Variants in FAM169A observed in about 807,000 individuals in gnomAD.
The protein encoded by FAM169A is soluble lamin-associated protein of 75 kDa.
In FAM169A, 24 loss-of-function variants were observed where a neutral mutation model predicts 75.7. That is an observed-to-expected ratio of 0.32 (90% confidence interval 0.23 to 0.45). The LOEUF (loss-of-function observed/expected upper bound fraction) is 0.45. Ranked by LOEUF, FAM169A falls within the 20% of genes least tolerant of loss-of-function variation. FAM169A has a pLI of 1.00. For missense variants in FAM169A, 673 were observed against 784.0 expected (o/e 0.86, Z 1.69); for synonymous variants, 271 against 271.0 (o/e 1.00, Z 0.00).
chr5:74,858,341 TCACGC>T (rs1236581614), intron 1 of FAM169A, among the ~76,000 whole-genome samples: 1 of 151,972 alleles, frequency 6.6e-6, no homozygotes, highest in Non-Finnish European at 1.5e-5. Flanking sequence ...TGAGCCCAGA[TCACGC>T]CACTGCACTC....
chr5:74,853,233 AT>A (rs1749533349), intron 1 of FAM169A, among the ~76,000 whole-genome samples: 1 of 152,212 alleles, frequency 6.6e-6, no homozygotes, highest in Non-Finnish European at 1.5e-5. Context: ...TAACCTCAAA[AT>A]GTCATTTACA....
At chr5:74,841,946 G>GCATA (rs1748888218) in intron 1 of FAM169A, among the ~76,000 whole-genome samples, 1 of 152,020 alleles carries the variant, frequency 6.6e-6, no homozygotes, top group African/African-American at 2.4e-5. Context: ...GGTCACATAG[G>GCATA]CATAAGACAT....
intron 5 of FAM169A, among the ~76,000 whole-genome samples, chr5:74,833,184 T>C (rs977656998): frequency 2.0e-5 from 3 of 152,096 alleles, no homozygotes; most frequent in Non-Finnish European, 4.4e-5. Context: ...GGAGCCAGTA[T>C]TAGAAACAAA....
chr5:74,786,663 A>T (rs1165848491), intron 11 of FAM169A, among the ~76,000 whole-genome samples: 1 of 152,214 alleles, frequency 6.6e-6, no homozygotes, highest in Non-Finnish European at 1.5e-5. Flanking sequence ...GAACTCAGGG[A>T]TTCTAACTCC....
At chr5:74,833,618 G>A (rs1213781369) in intron 5 of FAM169A, among the ~76,000 whole-genome samples, 5 of 152,208 alleles carry the variant, frequency 3.3e-5, no homozygotes. Flanking sequence ...AGGATCTTTA[G>A]ACTGGATGTG....
intron 5 of FAM169A, among the ~76,000 whole-genome samples, chr5:74,821,111 A>G (rs1230493053): frequency 3.9e-5 from 6 of 152,136 alleles, no homozygotes; most frequent in Non-Finnish European, 8.8e-5. Context: ...TCTTCACATC[A>G]TCTGACAGCA....
At chr5:74,836,318 TTC>T in intron 4 of FAM169A, among the ~76,000 whole-genome samples, 1 of 148,326 alleles carries the variant, frequency 6.7e-6, no homozygotes, top group Non-Finnish European at 1.5e-5. Context: ...TGTTAGATCT[TTC>T]TCTTTGTTTT....
intron 5 of FAM169A, among the ~76,000 whole-genome samples, chr5:74,822,713 T>G (rs1347577580): frequency 6.6e-6 from 1 of 152,226 alleles, no homozygotes; most frequent in East Asian, 1.9e-4. Flanking sequence ...CCATACCTCT[T>G]CCATGTGCTC....
intron 5 of FAM169A, among the ~76,000 whole-genome samples, chr5:74,829,255 A>G (rs1339353763): frequency 3.3e-5 from 5 of 152,204 alleles, no homozygotes; most frequent in Non-Finnish European, 7.3e-5. Context: ...CGACTATAAA[A>G]TATCTGATTT....
chr5:74,821,003 T>C (rs1320087145), intron 5 of FAM169A, among the ~76,000 whole-genome samples: 2 of 152,206 alleles, frequency 1.3e-5, no homozygotes, highest in Non-Finnish European at 2.9e-5. Flanking sequence ...CTGATCTCAC[T>C]ATTCCATCAC....
intron 1 of FAM169A, among the ~76,000 whole-genome samples, chr5:74,852,383 A>G (rs1749488688): frequency 6.6e-6 from 1 of 152,180 alleles, no homozygotes; most frequent in African/African-American, 2.4e-5. Context: ...CAGATTCAGT[A>G]CAATTCTTAC....
rs534573940 is a variant in FAM169A at position 74,855,115 on chromosome 5, G to A, written c.-4+11050C>T. On this transcript the variant is annotated intron_variant, in intron 1 of 12. Coordinates refer to ENST00000687041, the MANE Select transcript of FAM169A (RefSeq NM_001376049.1). ...TTCAATTTTCTCCACATCCTCACCAGCATTCGTTACTGCCTGTCTTTTGGA... is the reference window on the plus strand; with the variant it reads ...TTCAATTTTCTCCACATCCTCACCAACATTCGTTACTGCCTGTCTTTTGGA... Among the ~76,000 whole-genome samples, 12 of 152,272 alleles carry A rather than the reference G, an allele frequency of 7.9e-5. No individual in the cohort carries two copies. The East Asian group carries it at 2.3e-3, about 29-fold the overall frequency.
At position 74,798,251 on chromosome 5, in the gene FAM169A, G is replaced by A. The variant is rs550839152; in HGVS notation, c.1104-2065C>T. On this transcript the variant is annotated intron_variant, in intron 10 of 12. Coordinates refer to ENST00000687041, the MANE Select transcript of FAM169A (RefSeq NM_001376049.1). ...TTTACCCCTAGGCAGTCAATCCTTT[G>A]AGGGCAAAGATGATGTTTTGTTCTT... is the stretch of plus-strand genomic sequence containing the variant. 5.3e-5 allele frequency among the ~76,000 whole-genome samples: 8 copies of A among 152,266 alleles called. No individual in the cohort carries two copies. The East Asian group carries it at 1.5e-3, about 29-fold the overall frequency.
intron 5 of FAM169A, among the ~76,000 whole-genome samples, chr5:74,821,554 G>C (rs1413222464): frequency 6.6e-6 from 1 of 152,190 alleles, no homozygotes; most frequent in Non-Finnish European, 1.5e-5. Context: ...ATTATCCTCA[G>C]ATGAGCGAAC....
intron 1 of FAM169A, among the ~76,000 whole-genome samples, chr5:74,857,720 C>T (rs991997230): frequency 4.6e-5 from 7 of 151,378 alleles, no homozygotes; most frequent in African/African-American, 1.7e-4. Flanking sequence ...TAAATTCTAC[C>T]CAAAAATGAA....
At chr5:74,797,180 T>C (rs962576935) in intron 10 of FAM169A, among the ~76,000 whole-genome samples, 13 of 152,102 alleles carry the variant, frequency 8.5e-5, no homozygotes, top group African/African-American at 3.1e-4. Context: ...TTTGTTTGTG[T>C]TTGTTTTTGT....
At chr5:74,822,000 G>A (rs1323989895) in intron 5 of FAM169A, among the ~76,000 whole-genome samples, 5 of 152,304 alleles carry the variant, frequency 3.3e-5, no homozygotes, top group Non-Finnish European at 5.9e-5. Flanking sequence ...CCTCAGAGTA[G>A]TCTCCAGGTC....
At chr5:74,816,624 C>A (rs1747484888) in intron 5 of FAM169A, among the ~76,000 whole-genome samples, 1 of 152,130 alleles carries the variant, frequency 6.6e-6, no homozygotes, top group South Asian at 2.1e-4. Context: ...CAAATGCAAT[C>A]AAATAAAGAG....
chr5:74,792,908 C>T (rs1350398997), intron 11 of FAM169A, among the ~76,000 whole-genome samples: 1 of 152,030 alleles, frequency 6.6e-6, no homozygotes, highest in Non-Finnish European at 1.5e-5. Flanking sequence ...GCTATCTACC[C>T]AGAAAAAAAG....
Sources: allele counts gnomAD v4.1 joint callset (sites outside exome capture counted in the v4.1 genomes callset), GRCh38; gene constraint gnomAD v4.1.1; transcripts MANE v1.5; gene names NCBI Gene and HGNC (gene_info 2026-07-23, HGNC 2026-07-21).